The following KLHL1 variants were observed in gnomAD, a reference collection of about 807,000 sequenced individuals.
KLHL1 encodes kelch-like protein 1.
KLHL1 carries 47 observed loss-of-function variants against 77.7 expected under a neutral mutation model. The ratio of observed to expected loss-of-function variants is 0.60; its 90% CI spans 0.48 to 0.77. The LOEUF is 0.77. KLHL1 is among the 30% of genes least tolerant of loss of function. The probability of loss-of-function intolerance (pLI) is 0.00; values close to 1 mark genes in which losing one functional copy is unlikely to be tolerated. For synonymous variants in KLHL1, 360 were observed against 325.2 expected (o/e 1.11, Z -1.15); for missense variants, 925 against 910.8 (o/e 1.02, Z -0.20).
intron 8 of KLHL1, among the ~76,000 whole-genome samples, chr13:69,733,518 A>T (rs1234688528): frequency 6.6e-6 from 1 of 152,198 alleles, no homozygotes; most frequent in Non-Finnish European, 1.5e-5. Flanking sequence ...AATCAAAATG[A>T]AAAAGAGAAC....
chr13:69,707,853 TA>T, intron 9 of KLHL1, 57 bp from the exon 10 acceptor site: 1 of 1,403,038 alleles, frequency 7.1e-7, no homozygotes, highest in Non-Finnish European at 9.5e-7. Flanking sequence ...ACTTTTACTA[TA>T]AAAATTTTAC....
intron 1 of KLHL1, among the ~76,000 whole-genome samples, chr13:70,040,668 T>C (rs1041814009): frequency 1.3e-5 from 2 of 152,192 alleles, no homozygotes; most frequent in Non-Finnish European, 2.9e-5. Context: ...GTAAGTTTCA[T>C]TATAATGTGC....
chr13:69,789,676 A>ACAT (rs1407966336), intron 7 of KLHL1, among the ~76,000 whole-genome samples: 3 of 152,132 alleles, frequency 2.0e-5, no homozygotes, highest in Non-Finnish European at 4.4e-5. Context: ...ACATATATAG[A>ACAT]CATCAGTGTT....
intron 1 of KLHL1, among the ~76,000 whole-genome samples, chr13:70,050,799 G>T (rs1422687139): frequency 1.3e-5 from 2 of 151,822 alleles, no homozygotes; most frequent in African/African-American, 2.4e-5. Flanking sequence ...AATATTATTT[G>T]TCATATAATT....
intron 4 of KLHL1, among the ~76,000 whole-genome samples, chr13:69,902,769 G>C (rs143905328): frequency 1.5e-5 from 2 of 133,258 alleles, no homozygotes; most frequent in Admixed American, 7.7e-5. Flanking sequence ...GTTGGGGGAG[G>C]GGGGAGGGAT....
chr13:69,879,060 T>C (rs1880879915), intron 5 of KLHL1, among the ~76,000 whole-genome samples: 1 of 152,042 alleles, frequency 6.6e-6, no homozygotes, highest in African/African-American at 2.4e-5. Context: ...ATGAGAACAC[T>C]TGGACACAGG....
At chr13:69,731,012 T>C (rs903105112) in intron 8 of KLHL1, among the ~76,000 whole-genome samples, 2 of 151,894 alleles carry the variant, frequency 1.3e-5, no homozygotes, top group Non-Finnish European at 2.9e-5. Flanking sequence ...TTAAGTGTCT[T>C]TAAAGAAAAA....
chr13:69,952,854 T>C (rs2137257095), intron 3 of KLHL1, among the ~76,000 whole-genome samples: 1 of 151,470 alleles, frequency 6.6e-6, no homozygotes, highest in Admixed American at 6.6e-5. Flanking sequence ...AATGACAGGG[T>C]TGTTTTGCTT....
At chr13:70,046,227 A>G (rs946588383) in intron 1 of KLHL1, among the ~76,000 whole-genome samples, 5 of 152,190 alleles carry the variant, frequency 3.3e-5, no homozygotes, top group Non-Finnish European at 7.3e-5. Flanking sequence ...GAGAAAAAAA[A>G]AAATGTCATA....
At chr13:69,827,666 G>A (rs58965727) in intron 6 of KLHL1, among the ~76,000 whole-genome samples, 2 of 150,038 alleles carry the variant, frequency 1.3e-5, no homozygotes, top group Non-Finnish European at 2.9e-5. Context: ...AGGAGTCAGA[G>A]GTTTCAGTGA....
rs573664750 is a variant in KLHL1, at chr13:69,737,567, G to C, written c.1802+2827C>G. On this transcript the variant is annotated intron_variant, in intron 8 of 10. Transcript: ENST00000377844. ...CTCTGCTGCTGGTGCCAGCAAGACT[G>C]GGCGGTCTGGACTGGGAGCAAACTT... Among the ~76,000 whole-genome samples, 8 of 152,314 alleles carry C rather than the reference G, an allele frequency of 5.3e-5. No individual in the cohort carries two copies. In the South Asian group the frequency reaches 1.7e-3, roughly 32 times the overall value.
At chr13:69,914,472 G>T (rs200273416) in intron 4 of KLHL1, among the ~76,000 whole-genome samples, 1 of 152,104 alleles carries the variant, frequency 6.6e-6, no homozygotes, top group Non-Finnish European at 1.5e-5. Context: ...TAATCCAGGG[G>T]ATTTTCTGCT....
chr13:69,715,739 A>G (rs1876092642), intron 9 of KLHL1, among the ~76,000 whole-genome samples: 1 of 152,088 alleles, frequency 6.6e-6, no homozygotes, highest in Non-Finnish European at 1.5e-5. Flanking sequence ...GACAACAACA[A>G]ACTAGCTAGT....
At chr13:69,739,755 C>G (rs1225505516) in intron 8 of KLHL1, among the ~76,000 whole-genome samples, 1 of 152,150 alleles carries the variant, frequency 6.6e-6, no homozygotes, top group Non-Finnish European at 1.5e-5. Context: ...AGACTAGAAG[C>G]TGTTGCAGTT....
At chr13:69,833,747 G>GTGTGTATATATATATA (rs545246675) in intron 6 of KLHL1, among the ~76,000 whole-genome samples, 3 of 142,318 alleles carry the variant, frequency 2.1e-5, no homozygotes, top group Admixed American at 7.1e-5. Flanking sequence ...AGAAATAATG[G>GTGTGTATATATATATA]TATATATATA....
chr13:69,917,261 T>G (rs192844102), intron 4 of KLHL1, among the ~76,000 whole-genome samples: 2 of 152,030 alleles, frequency 1.3e-5, no homozygotes, highest in Non-Finnish European at 2.9e-5. Flanking sequence ...GTAAATAAAA[T>G]GAAATGCTTA....
intron 7 of KLHL1, among the ~76,000 whole-genome samples, chr13:69,755,309 G>A (rs1215943562): frequency 1.3e-5 from 2 of 151,770 alleles, no homozygotes; most frequent in Non-Finnish European, 2.9e-5. Context: ...GGTGTATCAC[G>A]TGACAAGAGC....
intron 6 of KLHL1, among the ~76,000 whole-genome samples, chr13:69,810,304 G>C (rs1183283430): frequency 1.3e-5 from 2 of 151,942 alleles, no homozygotes. Context: ...AGCAAGTATT[G>C]ATAAATTAAA....
At chr13:70,046,003 T>C (rs924833060) in intron 1 of KLHL1, among the ~76,000 whole-genome samples, 2 of 152,208 alleles carry the variant, frequency 1.3e-5, no homozygotes, top group Non-Finnish European at 2.9e-5. Flanking sequence ...GTTAAGTTGT[T>C]TTTTGTAATT....
Sources: allele counts gnomAD v4.1 joint callset (sites outside exome capture counted in the v4.1 genomes callset), GRCh38; gene constraint gnomAD v4.1.1; transcripts MANE v1.5; gene names NCBI Gene and HGNC (gene_info 2026-07-23, HGNC 2026-07-21).